The following FRS2 variants were observed in gnomAD, a reference collection of about 807,000 sequenced individuals.
FRS2 encodes FGFR signalling adaptor.
A neutral mutation model predicts 43.9 loss-of-function variants in FRS2; 8 were observed. The observed-to-expected ratio is 0.18, with a 90% confidence interval of 0.11 to 0.33. FRS2 has a LOEUF of 0.33. FRS2 is among the 10% of genes least tolerant of loss of function. The pLI is 1.00. For missense variants in FRS2, 534 were observed against 627.6 expected (o/e 0.85, Z 1.59); for synonymous variants, 219 against 220.3 (o/e 0.99, Z 0.05).
At chr12:69,557,619 T>TGTGTGTGTGTGTGTGTGTGTGTGCGC (rs1555192498) in intron 3 of FRS2, among the ~76,000 whole-genome samples, 30 of 119,016 alleles carry the variant, frequency 2.5e-4, no homozygotes, top group Non-Finnish European at 4.6e-4. Flanking sequence ...TGTGTGTGTG[T>TGTGTGTGTGTGTGTGTGTGTGTGCGC]GCGCGCGCGC....
chr12:69,532,096 G>A (rs1201055512), intron 3 of FRS2, 40 bp downstream of exon 3: 1 of 152,486 alleles, frequency 6.6e-6, no homozygotes, highest in Non-Finnish European at 1.5e-5. Context: ...TAATATTGTT[G>A]AGTAAGGCTT....
At chr12:69,492,427 TG>T (rs1342709113) in intron 1 of FRS2, among the ~76,000 whole-genome samples, 1 of 151,966 alleles carries the variant, frequency 6.6e-6, no homozygotes, top group Admixed American at 6.6e-5. Flanking sequence ...AAGGAGATGA[TG>T]GAGAGGGATG....
intron 4 of FRS2, among the ~76,000 whole-genome samples, chr12:69,563,351 C>T (rs1373452771): frequency 2.0e-5 from 3 of 152,174 alleles, no homozygotes; most frequent in South Asian, 4.1e-4. Context: ...TGCCCATGTT[C>T]CAGCTGTGTC....
chr12:69,482,616 GTAA>G (rs1165562197), intron 1 of FRS2, among the ~76,000 whole-genome samples: 1 of 152,158 alleles, frequency 6.6e-6, no homozygotes, highest in East Asian at 1.9e-4. Context: ...CAGTCCAGAG[GTAA>G]TAAGCTTTTA....
At chr12:69,474,391 A>G (rs1310705527) in intron 1 of FRS2, among the ~76,000 whole-genome samples, 1 of 151,852 alleles carries the variant, frequency 6.6e-6, no homozygotes, top group African/African-American at 2.4e-5. Context: ...CTGTGTAAGA[A>G]GATGAAAGTG....
intron 1 of FRS2, among the ~76,000 whole-genome samples, chr12:69,482,629 A>C (rs1325189471): frequency 6.6e-6 from 1 of 152,198 alleles, no homozygotes; most frequent in Non-Finnish European, 1.5e-5. Flanking sequence ...ATAAGCTTTT[A>C]TATCTTTTGT....
intron 1 of FRS2, among the ~76,000 whole-genome samples, chr12:69,472,275 T>G (rs1203223960): frequency 2.7e-5 from 4 of 145,526 alleles, no homozygotes; most frequent in African/African-American, 1.0e-4. Flanking sequence ...TTTTTTTTTG[T>G]AGAGCCGAGG....
chr12:69,519,369 T>C (rs1367102804), intron 1 of FRS2, among the ~76,000 whole-genome samples: 3 of 152,258 alleles, frequency 2.0e-5, no homozygotes, highest in African/African-American at 7.2e-5. Flanking sequence ...GCCTCTCTTA[T>C]GCATAATGTT....
chr12:69,486,447 C>T (rs1871958426), intron 1 of FRS2: 2 of 152,240 alleles, frequency 1.3e-5, no homozygotes, highest in Non-Finnish European at 1.5e-5. Flanking sequence ...TCTGACTGCT[C>T]CACTGAATGG....
intron 1 of FRS2, among the ~76,000 whole-genome samples, chr12:69,477,572 G>A (rs530003127): frequency 2.0e-5 from 3 of 151,174 alleles, no homozygotes; most frequent in South Asian, 2.1e-4. Context: ...GTGAGCCACC[G>A]CGCCCGGCCT....
intron 1 of FRS2, among the ~76,000 whole-genome samples, chr12:69,500,641 C>A (rs929705123): frequency 6.6e-6 from 1 of 152,158 alleles, no homozygotes; most frequent in African/African-American, 2.4e-5. Context: ...CAGTAAATGA[C>A]ATTTGTAGAT....
At chr12:69,520,098 T>G (rs1875478051) in intron 1 of FRS2, among the ~76,000 whole-genome samples, 1 of 152,244 alleles carries the variant, frequency 6.6e-6, no homozygotes, top group Non-Finnish European at 1.5e-5. Context: ...ATAATAGTCA[T>G]TCTGACTGGT....
chr12:69,513,726 C>T (rs1874695625), intron 1 of FRS2, among the ~76,000 whole-genome samples: 1 of 151,796 alleles, frequency 6.6e-6, no homozygotes, highest in African/African-American at 2.4e-5. Flanking sequence ...TAAAAATGAC[C>T]CTTGGGGGTG....
intron 1 of FRS2, among the ~76,000 whole-genome samples, chr12:69,498,384 T>G (rs1873101492): frequency 6.6e-6 from 1 of 152,108 alleles, no homozygotes; most frequent in South Asian, 2.1e-4. Context: ...TGAGATGAGT[T>G]GAGTATTAAT....
At position 69,576,464 on chromosome 12, in the gene FRS2, G is replaced by T. The variant is rs1041951378; in HGVS notation, c.*1509G>T. 6.6e-6 allele frequency: 1 copy of T among 152,132 alleles called. No homozygotes were observed. Among genetic ancestry groups the T allele is most frequent in the East Asian group, 1.9e-4 (1 of 5,194 alleles). The allele number at this position is 152,132 out of a possible 1,614,324, so 9.4% of individuals were successfully genotyped here. On this transcript the variant is annotated 3_prime_UTR_variant, in exon 9 of 9. Coordinates refer to ENST00000549921, the MANE Select transcript of FRS2 (RefSeq NM_001278356.2). ...CAATTTCCTAAACACTAGAGAATAC[G>T]AGAGAAGGTAGAGTGGAAAAGGTTA...
chr12:69,472,688 G>A (rs11177688), intron 1 of FRS2, among the ~76,000 whole-genome samples: 13,638 of 152,198 alleles, frequency 0.09, 1,260 homozygotes, highest in East Asian at 0.37. Context: ...GCTATGTTAT[G>A]CATAGCATGC....
At chr12:69,528,679 G>GTT in intron 1 of FRS2, among the ~76,000 whole-genome samples, 1 of 152,304 alleles carries the variant, frequency 6.6e-6, no homozygotes, top group African/African-American at 2.4e-5. Flanking sequence ...AATTGATGAT[G>GTT]TTATGTTTGA....
intron 1 of FRS2, among the ~76,000 whole-genome samples, chr12:69,501,358 G>A (rs1873430365): frequency 6.6e-6 from 1 of 152,238 alleles, no homozygotes; most frequent in Middle Eastern, 3.4e-3. Context: ...GATTCTGTGG[G>A]GGTGGAAAGA....
At chr12:69,502,982 A>G (rs1228548856) in intron 1 of FRS2, among the ~76,000 whole-genome samples, 1 of 152,252 alleles carries the variant, frequency 6.6e-6, no homozygotes, top group Non-Finnish European at 1.5e-5. Context: ...TGGCACCCAC[A>G]GTTCTATACA....
Sources: gnomAD v4.1 joint callset for allele counts (sites outside exome capture counted in the v4.1 genomes callset) on GRCh38, gnomAD v4.1.1 for gene constraint, MANE v1.5 for transcripts, NCBI Gene and HGNC (gene_info 2026-07-23, HGNC 2026-07-21) for gene names.